The following FMN1 variants were observed in gnomAD, a reference collection of about 807,000 sequenced individuals.
FMN1 encodes the protein formin-1.
Under a neutral mutation model 132.4 loss-of-function variants are expected in FMN1, and 110 were observed. The ratio of observed to expected loss-of-function variants is 0.83; its 90% CI spans 0.71 to 0.97. FMN1 has a LOEUF of 0.97. FMN1 is among the 50% of genes least tolerant of loss of function. The pLI, the probability that FMN1 is intolerant of heterozygous loss-of-function variation, is 0.00. For missense variants in FMN1, 1,792 were observed against 1,705.3 expected (o/e 1.05, Z -0.90); for synonymous variants, 722 against 651.7 (o/e 1.11, Z -1.64).
At chr15:33,087,939 C>A (rs1566904508) in intron 5 of FMN1, among the ~76,000 whole-genome samples, 1 of 151,946 alleles carries the variant, frequency 6.6e-6, no homozygotes, top group African/African-American at 2.4e-5. Flanking sequence ...GACTATTATT[C>A]TAAGTAAAGT....
chr15:32,922,391 C>A (rs1425281649), intron 10 of FMN1, among the ~76,000 whole-genome samples: 1 of 152,084 alleles, frequency 6.6e-6, no homozygotes, highest in African/African-American at 2.4e-5. Flanking sequence ...ACACATTAGC[C>A]CAGTTATTTG....
intron 19 of FMN1, among the ~76,000 whole-genome samples, chr15:32,795,543 C>T (rs969323927): frequency 6.6e-6 from 1 of 151,410 alleles, no homozygotes; most frequent in African/African-American, 2.4e-5. Flanking sequence ...CAATCGGGTT[C>T]CCAGTGAATA....
intron 16 of FMN1, among the ~76,000 whole-genome samples, chr15:32,869,294 T>A (rs554741983): frequency 6.6e-6 from 1 of 152,164 alleles, no homozygotes; most frequent in African/African-American, 2.4e-5. Flanking sequence ...GGTTACACAC[T>A]CAGGTGAACG....
At chr15:33,007,864 T>TC in intron 7 of FMN1, 150 bp downstream of exon 7, 1 of 515,368 alleles carries the variant, frequency 1.9e-6, no homozygotes, top group Middle Eastern at 2.9e-4. Flanking sequence ...GACTTTTCAT[T>TC]CCCTGTATAG....
chr15:33,024,978 G>A (rs2035599045), intron 6 of FMN1, among the ~76,000 whole-genome samples: 2 of 152,110 alleles, frequency 1.3e-5, no homozygotes, highest in Admixed American at 1.3e-4. Context: ...ATACATAGTG[G>A]AAGCCATTTT....
chr15:33,004,691 C>T (rs150690096), intron 7 of FMN1, among the ~76,000 whole-genome samples: 2,869 of 152,186 alleles, frequency 0.019, 81 homozygotes, highest in African/African-American at 0.061. Flanking sequence ...TTACTGGGTA[C>T]ATACCCAAAG....
At chr15:32,912,842 G>A (rs1313149708) in intron 10 of FMN1, among the ~76,000 whole-genome samples, 1 of 152,086 alleles carries the variant, frequency 6.6e-6, no homozygotes, top group East Asian at 1.9e-4. Flanking sequence ...CTATAAAACA[G>A]CTCTAATACC....
At chr15:32,806,459 C>T (rs1472215809) in intron 17 of FMN1, among the ~76,000 whole-genome samples, 1 of 152,232 alleles carries the variant, frequency 6.6e-6, no homozygotes, top group Admixed American at 6.5e-5. Context: ...TAGGCCATGG[C>T]AGGTATTAAT....
intron 17 of FMN1, among the ~76,000 whole-genome samples, chr15:32,855,800 C>T (rs936147393): frequency 6.6e-6 from 1 of 152,188 alleles, no homozygotes; most frequent in South Asian, 2.1e-4. Context: ...TTTCTTCAGG[C>T]TACTTAGGTT....
intron 4 of FMN1, among the ~76,000 whole-genome samples, chr15:33,129,005 T>TACAGAG: frequency 6.6e-6 from 1 of 152,280 alleles, no homozygotes. Context: ...TGGTCCATTT[T>TACAGAG]TACAGAATGC....
rs886310760 is a variant in FMN1, at chr15:32,771,479, T to C, written c.*2831A>G. 6.6e-6 allele frequency: 1 copy of C among 152,218 alleles called. No homozygotes were observed. Among genetic ancestry groups the C allele is most frequent in the Non-Finnish European group, 1.5e-5 (1 of 68,034 alleles). The allele number at this position is 152,218 out of a possible 1,614,324, so 9.4% of individuals were successfully genotyped here. ...ATATTGTGTGCTCTGATGCTGTCAA[T>C]TGCTCATGCAAGAATCTGAACTACT... On this transcript the variant is annotated 3_prime_UTR_variant, in exon 21 of 21. Transcript: ENST00000616417.
At chr15:32,895,371 A>C (rs766392559) in intron 15 of FMN1, among the ~76,000 whole-genome samples, 4 of 152,036 alleles carry the variant, frequency 2.6e-5, no homozygotes, top group East Asian at 1.9e-4. Context: ...AAAAAAAAAA[A>C]CAAAAACACA....
intron 7 of FMN1, among the ~76,000 whole-genome samples, chr15:32,990,430 T>C (rs977910076): frequency 2.0e-5 from 3 of 152,126 alleles, no homozygotes; most frequent in Non-Finnish European, 4.4e-5. Flanking sequence ...AGGAGACAAG[T>C]AGCACAGGAC....
At chr15:33,170,009 T>A (rs532824317) in intron 3 of FMN1, among the ~76,000 whole-genome samples, 8 of 152,278 alleles carry the variant, frequency 5.3e-5, no homozygotes, top group Admixed American at 2.0e-4. Context: ...AAGACGCATT[T>A]AGCTGCATTT....
At chr15:32,990,547 AG>A (rs993097340) in intron 7 of FMN1, among the ~76,000 whole-genome samples, 1 of 152,222 alleles carries the variant, frequency 6.6e-6, no homozygotes, top group Non-Finnish European at 1.5e-5. Context: ...AAGGAATGGA[AG>A]GTCAAAGCAA....
chr15:32,785,914 CAT>C (rs2056862379), intron 19 of FMN1, among the ~76,000 whole-genome samples: 1 of 152,170 alleles, frequency 6.6e-6, no homozygotes, highest in African/African-American at 2.4e-5. Flanking sequence ...TTGGGAAACA[CAT>C]GAGATCTGAC....
chr15:32,824,767 T>A (rs920760073), intron 17 of FMN1, among the ~76,000 whole-genome samples: 1 of 152,162 alleles, frequency 6.6e-6, no homozygotes, highest in African/African-American at 2.4e-5. Context: ...GCCCTCTGTT[T>A]TATAATTAGC....
chr15:32,928,805 C>T (rs2061027305), intron 9 of FMN1, among the ~76,000 whole-genome samples: 1 of 152,178 alleles, frequency 6.6e-6, no homozygotes, highest in South Asian at 2.1e-4. Flanking sequence ...ACCAAGCTAT[C>T]CAGTTAGGGC....
rs1566795520 is a variant in FMN1 at position 32,988,064 on chromosome 15, T to TC, written c.2224-18588_2224-18587insG. Among the ~76,000 whole-genome samples the TC allele has an allele frequency of 2.0e-5, 3 of 149,760 alleles. 1 individual carries two copies. Among genetic ancestry groups the TC allele is most frequent in the Non-Finnish European group, 4.5e-5 (3 of 67,278 alleles). ...TGTCTCTCCAGTTTTTTTTTTTTTT[T>TC]TTTTTTCTTTTTTTAGGTAATTAGG... is the stretch of plus-strand genomic sequence containing the variant. On this transcript the variant is annotated intron_variant, in intron 7 of 20. Transcript: ENST00000616417.
Sources: allele counts gnomAD v4.1 joint callset (sites outside exome capture counted in the v4.1 genomes callset), GRCh38; gene constraint gnomAD v4.1.1; transcripts MANE v1.5; gene names NCBI Gene and HGNC (gene_info 2026-07-23, HGNC 2026-07-21).